GPC5: variants seen among roughly 807,000 people sequenced by gnomAD.
The protein encoded by GPC5 is glypican 5.
A neutral mutation model predicts 53.9 loss-of-function variants in GPC5; 47 were observed. The ratio of observed to expected loss-of-function variants is 0.87; its 90% CI spans 0.69 to 1.11. The LOEUF (loss-of-function observed/expected upper bound fraction) is 1.11, where lower values mean the gene tolerates loss of function less well. Ranked by LOEUF, GPC5 falls within the 50% of genes most tolerant of loss-of-function variation. The pLI is 0.00. For missense variants in GPC5, 748 were observed against 713.1 expected (o/e 1.05, Z -0.56); for synonymous variants, 286 against 263.3 (o/e 1.09, Z -0.84).
At chr13:92,185,293 T>C (rs944884346) in intron 7 of GPC5, among the ~76,000 whole-genome samples, 7 of 152,184 alleles carry the variant, frequency 4.6e-5, no homozygotes, top group African/African-American at 1.7e-4. Context: ...GTAATTTGTA[T>C]AAAAGTGAAA....
At chr13:92,385,391 CATATATACACATATATACACAT>C (rs2043787286) in intron 7 of GPC5, among the ~76,000 whole-genome samples, 2 of 66,602 alleles carry the variant, frequency 3.0e-5, no homozygotes, top group East Asian at 4.8e-4. Context: ...CATATATATA[CATATATACACATATATACACAT>C]ATATATACAT....
At chr13:91,761,110 A>G (rs2037401429) in intron 5 of GPC5, among the ~76,000 whole-genome samples, 1 of 151,916 alleles carries the variant, frequency 6.6e-6, no homozygotes, top group Admixed American at 6.6e-5. Context: ...TTGTTTGATG[A>G]TTCGTTCTTT....
intron 1 of GPC5, among the ~76,000 whole-genome samples, chr13:91,443,352 G>A (rs2139075182): frequency 6.6e-6 from 1 of 152,194 alleles, no homozygotes; most frequent in South Asian, 2.1e-4. Context: ...GCCATGTGAG[G>A]GCACAGAGAG....
At chr13:92,256,988 C>T (rs1000925578) in intron 7 of GPC5, among the ~76,000 whole-genome samples, 4 of 152,014 alleles carry the variant, frequency 2.6e-5, no homozygotes, top group Non-Finnish European at 5.9e-5. Flanking sequence ...CACTGGCATC[C>T]ACCATGCCAC....
chr13:92,125,774 A>C (rs930394678), intron 6 of GPC5, among the ~76,000 whole-genome samples: 1 of 152,120 alleles, frequency 6.6e-6, no homozygotes, highest in Non-Finnish European at 1.5e-5. Context: ...TGCCCTCAAA[A>C]TGGTATAGTG....
chr13:92,026,886 G>A (rs564666235), intron 6 of GPC5, among the ~76,000 whole-genome samples: 1 of 152,180 alleles, frequency 6.6e-6, no homozygotes, highest in Admixed American at 6.5e-5. Flanking sequence ...ATTTCAGATG[G>A]CTAGGTGTCA....
chr13:91,440,659 T>C (rs1880354338), intron 1 of GPC5, among the ~76,000 whole-genome samples: 1 of 152,202 alleles, frequency 6.6e-6, no homozygotes, highest in African/African-American at 2.4e-5. Context: ...TTTTAGATTG[T>C]CCCTTGGATT....
chr13:91,943,449 C>T (rs964252875), intron 6 of GPC5, among the ~76,000 whole-genome samples: 10 of 151,730 alleles, frequency 6.6e-5, no homozygotes, highest in African/African-American at 2.4e-5. Flanking sequence ...CAGAAGTTGA[C>T]AGTTTTCAGT....
intron 1 of GPC5, among the ~76,000 whole-genome samples, chr13:91,429,838 C>T (rs912062179): frequency 2.0e-5 from 3 of 152,140 alleles, no homozygotes; most frequent in African/African-American, 7.2e-5. Flanking sequence ...TTCTCCTCTT[C>T]CATGGTTATG....
At chr13:92,014,561 T>A (rs2040690773) in intron 6 of GPC5, among the ~76,000 whole-genome samples, 1 of 152,178 alleles carries the variant, frequency 6.6e-6, no homozygotes. Context: ...TGCTTGAGAT[T>A]TGAAGGGTTT....
intron 6 of GPC5, among the ~76,000 whole-genome samples, chr13:91,977,847 C>G (rs1472586575): frequency 2.0e-5 from 3 of 151,874 alleles, no homozygotes; most frequent in Admixed American, 6.6e-5. Context: ...TGCAATGGAT[C>G]ATGCCTGTAA....
chr13:92,645,063 A>G (rs2139156397), intron 7 of GPC5, among the ~76,000 whole-genome samples: 1 of 152,318 alleles, frequency 6.6e-6, no homozygotes, highest in African/African-American at 2.4e-5. Flanking sequence ...ACAATTCAAC[A>G]TGTTTTGATA....
chr13:92,327,481 A>T (rs1472018585), intron 7 of GPC5, among the ~76,000 whole-genome samples: 1 of 152,170 alleles, frequency 6.6e-6, no homozygotes. Flanking sequence ...TACTCAACCT[A>T]TCAAAATAAT....
rs924108239 is a variant in GPC5 at position 91,680,641 on chromosome 13, G to A, written c.326-12546G>A. On this transcript the variant is annotated intron_variant, in intron 2 of 7. Transcript: ENST00000377067. The stretch of plus-strand genomic sequence containing the variant: ...CTTAAACTTGAAGAAACAATCCATC[G>A]TCATGTTTTGGTGTAATATCAAAGA... Among the ~76,000 whole-genome samples the A allele has an allele frequency of 9.3e-4, 142 of 152,098 alleles. 1 individual carries two copies. The highest frequency in any genetic ancestry group is 8.8e-3 in the Admixed American group (134 of 15,266).
chr13:91,966,584 T>G (rs1479296572), intron 6 of GPC5, among the ~76,000 whole-genome samples: 3 of 152,232 alleles, frequency 2.0e-5, no homozygotes, highest in Non-Finnish European at 4.4e-5. Flanking sequence ...TCCTTGCAAC[T>G]TAGGCATGTT....
chr13:92,281,784 G>A (rs541532789), intron 7 of GPC5, among the ~76,000 whole-genome samples: 12 of 152,194 alleles, frequency 7.9e-5, no homozygotes, highest in African/African-American at 1.2e-4. Context: ...AGATAAAACC[G>A]CAAAGATGGG....
intron 5 of GPC5, among the ~76,000 whole-genome samples, chr13:91,777,449 A>G (rs1268236796): frequency 6.6e-6 from 1 of 152,212 alleles, no homozygotes; most frequent in Non-Finnish European, 1.5e-5. Flanking sequence ...ATTTAATGTG[A>G]AGTCACCTGA....
chr13:92,545,758 G>C (rs915655589), intron 7 of GPC5, among the ~76,000 whole-genome samples: 10 of 152,046 alleles, frequency 6.6e-5, no homozygotes, highest in African/African-American at 2.2e-4. Flanking sequence ...CCCACTTTTT[G>C]ATGGGGTTGT....
intron 7 of GPC5, among the ~76,000 whole-genome samples, chr13:92,797,870 T>TA (rs71123436): frequency 6.4e-5 from 8 of 124,880 alleles, no homozygotes; most frequent in South Asian, 2.7e-4. Context: ...GATAGATAGA[T>TA]GATAGATGAT....
Sources: allele counts gnomAD v4.1 joint callset (sites outside exome capture counted in the v4.1 genomes callset), GRCh38; gene constraint gnomAD v4.1.1; transcripts MANE v1.5; gene names NCBI Gene and HGNC (gene_info 2026-07-23, HGNC 2026-07-21).